KHDRBS2: variants seen among roughly 807,000 people sequenced by gnomAD.
KHDRBS2 encodes KH domain-containing, RNA-binding, signal transduction-associated protein 2.
In KHDRBS2, 26 loss-of-function variants were observed where a neutral mutation model predicts 44.3. The ratio of observed to expected loss-of-function variants is 0.59; its 90% CI spans 0.43 to 0.81. The LOEUF (loss-of-function observed/expected upper bound fraction) is 0.81, where lower values mean the gene tolerates loss of function less well. Ranked by LOEUF, KHDRBS2 falls within the 40% of genes least tolerant of loss-of-function variation. KHDRBS2 has a pLI of 0.00. For synonymous variants in KHDRBS2, 194 were observed against 151.1 expected (o/e 1.28, Z -2.08); for missense variants, 476 against 433.1 (o/e 1.10, Z -0.88).
chr6:61,589,923 T>C, the KHDRBS2 span, among the ~76,000 whole-genome samples: 3 of 152,154 alleles, frequency 2.0e-5, no homozygotes, highest in Admixed American at 2.0e-4. Context: ...TGATATATTT[T>C]CAAATTCCCA....
intron 4 of KHDRBS2, among the ~76,000 whole-genome samples, chr6:61,936,830 T>C (rs1272908583): frequency 2.0e-5 from 3 of 151,976 alleles, no homozygotes; most frequent in Non-Finnish European, 2.9e-5. Context: ...GGTGAGAAAT[T>C]TGTCAGTAAT....
In KHDRBS2 at chr6:61,951,760, G is replaced by T. The variant is rs116889048; in HGVS notation, c.483+26306C>A. On this transcript the variant is annotated intron_variant, in intron 4 of 8. Transcript: ENST00000281156. ...AGTGACCTTGACAGAGCCATTTATG[G>T]CCATGGTTAAGGTGCATAATTTAAC... 2.0e-5 allele frequency among the ~76,000 whole-genome samples: 3 copies of T among 152,128 alleles called. No homozygotes were observed. The East Asian group carries it at 5.8e-4, about 29-fold the overall frequency.
At chr6:62,107,546 C>A (rs566107115) in intron 2 of KHDRBS2, among the ~76,000 whole-genome samples, 3 of 152,104 alleles carry the variant, frequency 2.0e-5, no homozygotes, top group Non-Finnish European at 2.9e-5. Context: ...TCAATGCCAT[C>A]CCCATCAAGC....
chr6:61,599,913 T>C, the KHDRBS2 span, among the ~76,000 whole-genome samples: 1 of 152,030 alleles, frequency 6.6e-6, no homozygotes, highest in Non-Finnish European at 1.5e-5. Context: ...TAGAACAAGA[T>C]GAGAATGACT....
chr6:62,192,172 T>TA (rs950442266), intron 1 of KHDRBS2, among the ~76,000 whole-genome samples: 1 of 152,066 alleles, frequency 6.6e-6, no homozygotes, highest in Non-Finnish European at 1.5e-5. Context: ...GATATTGATA[T>TA]AAAAAAGCAA....
the KHDRBS2 span, among the ~76,000 whole-genome samples, chr6:61,580,154 T>C: frequency 2.0e-5 from 3 of 152,176 alleles, no homozygotes; most frequent in Non-Finnish European, 2.9e-5. Context: ...TTAGCTATGA[T>C]TGAAGTAAAC....
intron 1 of KHDRBS2, among the ~76,000 whole-genome samples, chr6:62,261,741 A>AT (rs1838383651): frequency 6.6e-6 from 1 of 151,800 alleles, no homozygotes; most frequent in African/African-American, 2.4e-5. Context: ...CATATAAGAC[A>AT]TTTTTGGAAT....
chr6:62,038,655 T>G (rs1785822338), intron 3 of KHDRBS2, among the ~76,000 whole-genome samples: 2 of 152,068 alleles, frequency 1.3e-5, no homozygotes, highest in Non-Finnish European at 2.9e-5. Flanking sequence ...CTCGTTAACA[T>G]TCCCACTCTG....
chr6:61,550,579 T>C, the KHDRBS2 span, among the ~76,000 whole-genome samples: 3 of 152,084 alleles, frequency 2.0e-5, no homozygotes, highest in Non-Finnish European at 2.9e-5. Context: ...TAAAATGGGA[T>C]TGCTGGGTCA....
chr6:61,799,298 T>A (rs1046749992), intron 6 of KHDRBS2, among the ~76,000 whole-genome samples: 1 of 152,030 alleles, frequency 6.6e-6, no homozygotes, highest in African/African-American at 2.4e-5. Flanking sequence ...AGATTCCTAC[T>A]GTTCTGACCT....
chr6:61,875,853 C>CCCTCT (rs1357911473), intron 6 of KHDRBS2, among the ~76,000 whole-genome samples: 2 of 151,708 alleles, frequency 1.3e-5, no homozygotes, highest in Non-Finnish European at 2.9e-5. Flanking sequence ...GTTATAATTA[C>CCCTCT]CCTCTTATAT....
At chr6:61,959,632 A>T (rs540266041) in intron 4 of KHDRBS2, among the ~76,000 whole-genome samples, 3 of 152,282 alleles carry the variant, frequency 2.0e-5, no homozygotes, top group African/African-American at 7.2e-5. Flanking sequence ...ATTATATAAC[A>T]AGACTAAGAA....
intron 6 of KHDRBS2, among the ~76,000 whole-genome samples, chr6:61,759,557 C>T (rs1778973878): frequency 6.6e-6 from 1 of 151,718 alleles, no homozygotes; most frequent in Non-Finnish European, 1.5e-5. Context: ...TTTGTTTAAT[C>T]TGTTAGGTTT....
chr6:61,967,893 C>T (rs997020715), intron 4 of KHDRBS2, among the ~76,000 whole-genome samples: 5 of 131,258 alleles, frequency 3.8e-5, no homozygotes, highest in Non-Finnish European at 8.3e-5. Flanking sequence ...CAAACATACA[C>T]ACACACACAC....
At chr6:62,213,798 C>G (rs1179751602) in intron 1 of KHDRBS2, among the ~76,000 whole-genome samples, 1 of 141,442 alleles carries the variant, frequency 7.1e-6, no homozygotes, top group Non-Finnish European at 1.5e-5. Flanking sequence ...GGCGTGAACC[C>G]AGGAGGCGGA....
chr6:61,960,736 T>A (rs1562532987), intron 4 of KHDRBS2, among the ~76,000 whole-genome samples: 1 of 152,180 alleles, frequency 6.6e-6, no homozygotes, highest in Admixed American at 6.6e-5. Flanking sequence ...TTTTTCTTCC[T>A]ATACATAAAT....
intron 2 of KHDRBS2, among the ~76,000 whole-genome samples, chr6:62,055,311 T>C (rs1790014942): frequency 6.6e-6 from 1 of 151,966 alleles, no homozygotes; most frequent in East Asian, 1.9e-4. Context: ...GGAATGGGAA[T>C]GGAAAAATCT....
At chr6:61,593,682 G>A in the KHDRBS2 span, among the ~76,000 whole-genome samples, 1 of 151,948 alleles carries the variant, frequency 6.6e-6, no homozygotes, top group East Asian at 1.9e-4. Flanking sequence ...TTTTTCATAA[G>A]GACTTTTGAA....
chr6:61,831,032 T>C (rs1791713743), intron 6 of KHDRBS2, among the ~76,000 whole-genome samples: 1 of 152,204 alleles, frequency 6.6e-6, no homozygotes, highest in Admixed American at 6.5e-5. Context: ...AGAGAAACTG[T>C]AATTAGATCA....
Sources: allele counts gnomAD v4.1 joint callset (sites outside exome capture counted in the v4.1 genomes callset), GRCh38; gene constraint gnomAD v4.1.1; transcripts MANE v1.5; gene names NCBI Gene and HGNC (gene_info 2026-07-23, HGNC 2026-07-21).